Variants in ESRRG observed in about 807,000 individuals in gnomAD.
ESRRG encodes the protein estrogen related receptor gamma, also known as estrogen-related receptor gamma.
A neutral mutation model predicts 44.0 loss-of-function variants in ESRRG; 13 were observed. The observed-to-expected ratio is 0.30, with a 90% confidence interval of 0.19 to 0.47. The LOEUF (loss-of-function observed/expected upper bound fraction) is 0.47. ESRRG is among the 20% of genes least tolerant of loss of function. The probability of loss-of-function intolerance (pLI) is 1.00; values close to 1 mark genes in which losing one functional copy is unlikely to be tolerated. For synonymous variants in ESRRG, 215 were observed against 214.6 expected, an observed-to-expected ratio of 1.00 and a Z score of -0.02; for missense variants, 395 against 580.6, an observed-to-expected ratio of 0.68 and a Z score of 3.29.
chr1:216,692,963 A>C (rs1160110434), intron 1 of ESRRG, among the ~76,000 whole-genome samples: 1 of 152,232 alleles, frequency 6.6e-6, no homozygotes, highest in Non-Finnish European at 1.5e-5. Flanking sequence ...CCTAACAAGA[A>C]ATTTCCCAGA....
intron 3 of ESRRG, among the ~76,000 whole-genome samples, chr1:216,617,085 T>C (rs1490195272): frequency 6.6e-6 from 1 of 152,166 alleles, no homozygotes; most frequent in African/African-American, 2.4e-5. Context: ...TTTTCAACAT[T>C]TTCAATGTTT....
chr1:217,055,412 C>T (rs1452938701), intron 1 of ESRRG, among the ~76,000 whole-genome samples: 2 of 152,078 alleles, frequency 1.3e-5, no homozygotes, highest in African/African-American at 4.8e-5. Flanking sequence ...TGGCAGTGAG[C>T]TGCACAAGAT....
At chr1:216,906,285 A>C (rs1378462664) in intron 2 of ESRRG, among the ~76,000 whole-genome samples, 3 of 152,200 alleles carry the variant, frequency 2.0e-5, no homozygotes, top group Non-Finnish European at 4.4e-5. Context: ...ACTAAAATCA[A>C]TGTGCTGCTG....
At chr1:216,615,532 T>C (rs1159078725) in intron 3 of ESRRG, among the ~76,000 whole-genome samples, 1 of 152,190 alleles carries the variant, frequency 6.6e-6, no homozygotes, top group African/African-American at 2.4e-5. Context: ...ACCCCAGTTC[T>C]TGGCATTTCA....
At chr1:216,721,885 G>A (rs2086387529) in intron 1 of ESRRG, among the ~76,000 whole-genome samples, 1 of 152,002 alleles carries the variant, frequency 6.6e-6, no homozygotes, top group African/African-American at 2.4e-5. Flanking sequence ...CTTCCCTTGA[G>A]TGTTTCAAAC....
intron 2 of ESRRG, among the ~76,000 whole-genome samples, chr1:216,879,987 A>C (rs1365989245): frequency 2.0e-5 from 3 of 152,128 alleles, no homozygotes; most frequent in Admixed American, 6.6e-5. Flanking sequence ...ATTTAAAATT[A>C]TTGTAAATAA....
intron 3 of ESRRG, among the ~76,000 whole-genome samples, chr1:216,597,163 T>G (rs2058559430): frequency 6.6e-6 from 1 of 152,214 alleles, no homozygotes; most frequent in African/African-American, 2.4e-5. Flanking sequence ...CAATTCCATT[T>G]ATTCAAATGT....
intron 5 of ESRRG, among the ~76,000 whole-genome samples, chr1:216,523,144 C>T (rs913093325): frequency 6.6e-6 from 1 of 152,116 alleles, no homozygotes; most frequent in African/African-American, 2.4e-5. Flanking sequence ...ATTTTTTCTT[C>T]CACAGCTATA....
intron 1 of ESRRG, among the ~76,000 whole-genome samples, chr1:216,962,083 A>ATT (rs5780950): frequency 4.6e-5 from 7 of 151,822 alleles, no homozygotes; most frequent in Non-Finnish European, 7.4e-5. Flanking sequence ...GCTTTCTGCT[A>ATT]TTTTTTTAAC....
chr1:217,112,341 C>T (rs2092670590), intron 1 of ESRRG, among the ~76,000 whole-genome samples: 1 of 152,152 alleles, frequency 6.6e-6, no homozygotes, highest in Non-Finnish European at 1.5e-5. Flanking sequence ...AGCACTAGAT[C>T]TTAGGACCTT....
chr1:216,870,063 C>T (rs1478380468), intron 2 of ESRRG, among the ~76,000 whole-genome samples: 10 of 151,902 alleles, frequency 6.6e-5, no homozygotes, highest in African/African-American at 9.7e-5. Flanking sequence ...TTGCTTTGTT[C>T]CTGATCATAG....
chr1:216,740,452 A>G (rs990799981), intron 2 of ESRRG, among the ~76,000 whole-genome samples: 3 of 152,090 alleles, frequency 2.0e-5, no homozygotes, highest in Non-Finnish European at 4.4e-5. Context: ...ATAATTTTAC[A>G]AGAGAGCCCC....
At chr1:216,844,861 A>T (rs1387223030) in intron 2 of ESRRG, among the ~76,000 whole-genome samples, 1 of 152,096 alleles carries the variant, frequency 6.6e-6, no homozygotes, top group Non-Finnish European at 1.5e-5. Flanking sequence ...ACAAGTAGGA[A>T]CTTTGTTTCA....
intron 2 of ESRRG, among the ~76,000 whole-genome samples, chr1:216,732,280 T>C (rs1453711873): frequency 6.6e-6 from 1 of 152,138 alleles, no homozygotes; most frequent in East Asian, 1.9e-4. Context: ...ATTATTATAT[T>C]ATCATCCCCA....
chr1:216,892,935 A>G (rs1327378988), intron 2 of ESRRG, among the ~76,000 whole-genome samples: 2 of 152,158 alleles, frequency 1.3e-5, no homozygotes, highest in African/African-American at 2.4e-5. Flanking sequence ...TTTTCTTCAG[A>G]TAAAGGTTAC....
chr1:216,740,222 C>CA (rs2090495948), intron 2 of ESRRG, among the ~76,000 whole-genome samples: 1 of 152,094 alleles, frequency 6.6e-6, no homozygotes, highest in African/African-American at 2.4e-5. Context: ...AATCAGTTTA[C>CA]AAAAAATCTA....
intron 5 of ESRRG, among the ~76,000 whole-genome samples, chr1:216,544,977 T>C (rs1271849123): frequency 6.6e-6 from 1 of 152,014 alleles, no homozygotes; most frequent in Non-Finnish European, 1.5e-5. Context: ...TGTATCCTCA[T>C]ATATTTTCAA....
intron 2 of ESRRG, among the ~76,000 whole-genome samples, chr1:216,935,339 G>A (rs562261957): frequency 8.7e-4 from 133 of 152,290 alleles, no homozygotes; most frequent in Non-Finnish European, 1.6e-3. Context: ...CTATAAATTC[G>A]AGGTTTCCTT....
intron 6 of ESRRG, among the ~76,000 whole-genome samples, chr1:216,509,233 T>C (rs1257471369): frequency 6.6e-6 from 1 of 152,190 alleles, no homozygotes; most frequent in Non-Finnish European, 1.5e-5. Flanking sequence ...TGGGATGAAT[T>C]GTCCTCTAAA....
Sources: gnomAD v4.1 joint callset for allele counts (sites outside exome capture counted in the v4.1 genomes callset) on GRCh38, gnomAD v4.1.1 for gene constraint, MANE v1.5 for transcripts, NCBI Gene and HGNC (gene_info 2026-07-23, HGNC 2026-07-21) for gene names.